The following B4GALNT3 variants were observed in gnomAD, a reference collection of about 807,000 sequenced individuals.
The protein encoded by B4GALNT3 is beta-1,4-N-acetylgalactosaminyltransferase 3.
B4GALNT3 carries 86 observed loss-of-function variants against 120.2 expected under a neutral mutation model. The observed-to-expected ratio is 0.72, with a 90% CI of 0.60 to 0.86. B4GALNT3 has a LOEUF of 0.86. Among genes scored for constraint, B4GALNT3 ranks in the 40% least tolerant of loss-of-function variants. B4GALNT3 has a pLI of 0.00. For missense variants in B4GALNT3, 1,167 were observed against 1,298.9 expected, an observed-to-expected ratio of 0.90 and a Z score of 1.56; for synonymous variants, 518 against 510.4, an observed-to-expected ratio of 1.01 and a Z score of -0.20.
chr12:471,639 A>G (rs1946137392), intron 1 of B4GALNT3, among the ~76,000 whole-genome samples: 1 of 151,820 alleles, frequency 6.6e-6, no homozygotes, highest in Non-Finnish European at 1.5e-5. Context: ...CCTGGGAGGC[A>G]GAGGTTGCAG....
At chr12:518,601 G>T (rs193022429) in intron 1 of B4GALNT3, among the ~76,000 whole-genome samples, 1 of 152,074 alleles carries the variant, frequency 6.6e-6, no homozygotes, top group Admixed American at 6.6e-5. Flanking sequence ...GGTCTGTTGT[G>T]TTGCTCAGCC....
At chr12:461,412 G>T (rs886446291) in intron 1 of B4GALNT3, among the ~76,000 whole-genome samples, 1 of 152,178 alleles carries the variant, frequency 6.6e-6, no homozygotes, top group Non-Finnish European at 1.5e-5. Flanking sequence ...ATGGCTGTGC[G>T]AGGTGGTTTT....
intron 14 of B4GALNT3, 95 bp downstream of exon 14, chr12:554,078 C>T (rs1386672935): frequency 8.3e-6 from 7 of 843,064 alleles, no homozygotes; most frequent in African/African-American, 3.4e-5. Flanking sequence ...GTGGGTTCCC[C>T]CAGCCGCGGA....
chr12:502,587 A>T (rs529230662), intron 1 of B4GALNT3, among the ~76,000 whole-genome samples: 29 of 152,236 alleles, frequency 1.9e-4, no homozygotes, highest in South Asian at 1.7e-3. Flanking sequence ...TAAGAGAAAG[A>T]CTGAGGAAGA....
At chr12:516,212 A>T (rs1946653928) in intron 1 of B4GALNT3, among the ~76,000 whole-genome samples, 1 of 152,232 alleles carries the variant, frequency 6.6e-6, no homozygotes, top group Non-Finnish European at 1.5e-5. Flanking sequence ...GGGAGAAGAT[A>T]GATTTTATAC....
intron 2 of B4GALNT3, 52 bp from the exon 3 acceptor site, chr12:536,166 T>C: frequency 6.6e-7 from 1 of 1,512,522 alleles, no homozygotes; most frequent in Middle Eastern, 1.7e-4. Flanking sequence ...GTCCTGCCCG[T>C]AGCTTCTCAT....
Position 512,269 on chromosome 12 carries a change from TCTTCCAC to T in B4GALNT3, c.170-22878_170-22872del, listed in dbSNP as rs1555155160. On this transcript the variant is annotated intron_variant, in intron 1 of 19. Coordinates refer to ENST00000266383, the MANE Select transcript of B4GALNT3 (RefSeq NM_173593.4). The stretch of plus-strand genomic sequence containing the variant: ...CACCTTCTTCCACCTTCTTCCACCT[TCTTCCAC>T]CTTCCACCTTCCACCTTCTTCCACC... 4.7e-3 allele frequency among the ~76,000 whole-genome samples: 157 copies of T among 33,686 alleles called. 3 individuals carry two copies. Among genetic ancestry groups the T allele is most frequent in the African/African-American group, 0.026 (148 of 5,710 alleles). 22.1% of individuals were successfully genotyped at this position (33,686 alleles called of 152,430 possible). A position where few individuals can be genotyped will look rare whatever the true frequency, so the allele number is the denominator to read the frequency against.
At chr12:559,943 G>C (rs1173118570) in intron 19 of B4GALNT3, among the ~76,000 whole-genome samples, 1 of 152,160 alleles carries the variant, frequency 6.6e-6, no homozygotes, top group African/African-American at 2.4e-5. Flanking sequence ...GGACCTGGGG[G>C]TTTGGAGCAG....
At chr12:495,718 C>T (rs1469362048) in intron 1 of B4GALNT3, among the ~76,000 whole-genome samples, 2 of 152,156 alleles carry the variant, frequency 1.3e-5, no homozygotes, top group Non-Finnish European at 2.9e-5. Context: ...GTAGCCCTGA[C>T]TCTGCTGGGC....
intron 1 of B4GALNT3, among the ~76,000 whole-genome samples, chr12:461,132 C>T (rs531036892): frequency 1.8e-4 from 27 of 152,242 alleles, no homozygotes; most frequent in Admixed American, 1.2e-3. Context: ...CCTCTCCCAG[C>T]CTCCGTCCTC....
At chr12:466,466 G>A (rs1946082229) in intron 1 of B4GALNT3, among the ~76,000 whole-genome samples, 1 of 152,178 alleles carries the variant, frequency 6.6e-6, no homozygotes, top group Non-Finnish European at 1.5e-5. Flanking sequence ...AGATTATGTG[G>A]TCTCAACTAG....
At chr12:519,904 A>G (rs1344337504) in intron 1 of B4GALNT3, among the ~76,000 whole-genome samples, 3 of 152,060 alleles carry the variant, frequency 2.0e-5, no homozygotes, top group Admixed American at 6.6e-5. Flanking sequence ...GTACTCTCTC[A>G]TTGGCCGGGT....
At chr12:461,267 C>A (rs925024212) in intron 1 of B4GALNT3, among the ~76,000 whole-genome samples, 1 of 152,148 alleles carries the variant, frequency 6.6e-6, no homozygotes, top group Admixed American at 6.5e-5. Context: ...TGATGGACAG[C>A]ACAGTGGACC....
chr12:537,300 T>G (rs903323111), intron 3 of B4GALNT3, among the ~76,000 whole-genome samples: 2 of 152,248 alleles, frequency 1.3e-5, no homozygotes, highest in Non-Finnish European at 2.9e-5. Flanking sequence ...TTTTTATTTT[T>G]TAGAGACAGG....
intron 3 of B4GALNT3, among the ~76,000 whole-genome samples, chr12:539,546 A>G (rs576777020): frequency 6.6e-6 from 1 of 152,092 alleles, no homozygotes; most frequent in South Asian, 2.1e-4. Context: ...AAAAAAAAAA[A>G]AAAAAGAAAG....
At chr12:552,212 C>T (rs371461200) in intron 12 of B4GALNT3, 49 bp downstream of exon 12, 12 of 1,503,776 alleles carry the variant, frequency 8.0e-6, no homozygotes, top group South Asian at 6.8e-5. Flanking sequence ...GAGGGCTCTG[C>T]GGGAGCCAGG....
rs189182778 is a variant in B4GALNT3 at position 480,782 on chromosome 12, C to T, written c.169+20237C>T. Among the ~76,000 whole-genome samples, 253 of 152,240 alleles carry T rather than the reference C, an allele frequency of 1.7e-3. 3 individuals are homozygous for T. Among genetic ancestry groups the T allele is most frequent in the Admixed American group, 5.2e-3 (80 of 15,296 alleles). ...GGGGTGCAATTGCATGGGTCATGGA[C>T]GATGGTCCTTAGACATCTCTGGGGA... On this transcript the variant is annotated intron_variant, in intron 1 of 19. Transcript: ENST00000266383.
At chr12:500,255 C>T (rs1239660855) in intron 1 of B4GALNT3, among the ~76,000 whole-genome samples, 3 of 152,148 alleles carry the variant, frequency 2.0e-5, no homozygotes, top group Non-Finnish European at 2.9e-5. Context: ...GCGATCCTCC[C>T]GCCTTGGCCT....
At chr12:560,801 C>T (rs956234) in intron 19 of B4GALNT3, among the ~76,000 whole-genome samples, 1 of 152,228 alleles carries the variant, frequency 6.6e-6, no homozygotes, top group Admixed American at 6.5e-5. Flanking sequence ...TTCGGCCACT[C>T]TCAGCCCTGC....
Sources: gnomAD v4.1 joint callset for allele counts (sites outside exome capture counted in the v4.1 genomes callset) on GRCh38, gnomAD v4.1.1 for gene constraint, MANE v1.5 for transcripts, NCBI Gene and HGNC (gene_info 2026-07-23, HGNC 2026-07-21) for gene names.